EPHA6: variants seen among roughly 807,000 people sequenced by gnomAD.
The protein encoded by EPHA6 is ephrin type-A receptor 6.
A neutral mutation model predicts 112.0 loss-of-function variants in EPHA6; 50 were observed. That is an observed-to-expected ratio of 0.45 (90% CI 0.36 to 0.56). The LOEUF (loss-of-function observed/expected upper bound fraction) is 0.56, where lower values mean the gene tolerates loss of function less well. Ranked by LOEUF, EPHA6 falls within the 20% of genes least tolerant of loss-of-function variation. The pLI, the probability that EPHA6 is intolerant of heterozygous loss-of-function variation, is 0.00. For synonymous variants in EPHA6, 529 were observed against 490.7 expected, an observed-to-expected ratio of 1.08 and a Z score of -1.03; for missense variants, 1,280 against 1,417.4, an observed-to-expected ratio of 0.90 and a Z score of 1.56.
chr3:97,640,946 G>C (rs189851523), intron 14 of EPHA6, among the ~76,000 whole-genome samples: 111 of 152,148 alleles, frequency 7.3e-4, no homozygotes, highest in Non-Finnish European at 1.4e-3. Flanking sequence ...GAGGAGGAGA[G>C]AGAAATAACA....
chr3:97,649,764 TCACACACA>T (rs3064341), intron 14 of EPHA6, among the ~76,000 whole-genome samples: 4 of 148,034 alleles, frequency 2.7e-5, no homozygotes, highest in African/African-American at 4.9e-5. Flanking sequence ...AAATCACTAT[TCACACACA>T]CACACACACA....
At chr3:96,958,946 T>C (rs1024906461) in intron 2 of EPHA6, among the ~76,000 whole-genome samples, 4 of 152,260 alleles carry the variant, frequency 2.6e-5, no homozygotes, top group Non-Finnish European at 5.9e-5. Context: ...CACTTTTTTC[T>C]AGTATGAGTA....
chr3:96,959,221 T>C lies in EPHA6; in HGVS notation c.451-28109T>C, dbSNP rs373560888. 4.6e-5 allele frequency among the ~76,000 whole-genome samples: 7 copies of C among 152,304 alleles called. No individual in the cohort carries two copies. In the East Asian group the frequency reaches 1.3e-3, roughly 29 times the overall value. Reference sequence around the variant, plus strand: ...GCATCCTAGTAAGCGTGGAGTGGTTTTATATTTTGGTTTTGATTTGTGTTT... The same window carrying C: ...GCATCCTAGTAAGCGTGGAGTGGTTCTATATTTTGGTTTTGATTTGTGTTT... On this transcript the variant is annotated intron_variant, in intron 2 of 17. Coordinates refer to ENST00000389672, the MANE Select transcript of EPHA6 (RefSeq NM_001080448.3).
At chr3:97,659,501 T>C (rs1336081965) in intron 14 of EPHA6, among the ~76,000 whole-genome samples, 2 of 152,000 alleles carry the variant, frequency 1.3e-5, no homozygotes, top group African/African-American at 4.8e-5. Context: ...TGAGAGTTTC[T>C]ACATATTGGT....
intron 15 of EPHA6, among the ~76,000 whole-genome samples, chr3:97,725,177 T>G (rs2034705341): frequency 6.6e-6 from 1 of 152,166 alleles, no homozygotes; most frequent in Non-Finnish European, 1.5e-5. Flanking sequence ...TGCTAAGTTC[T>G]TCGCTGTCTG....
At chr3:96,958,998 A>G (rs1405336702) in intron 2 of EPHA6, among the ~76,000 whole-genome samples, 1 of 152,198 alleles carries the variant, frequency 6.6e-6, no homozygotes, top group African/African-American at 2.4e-5. Context: ...TGTAAAGCGT[A>G]TGTTTTAAAT....
intron 2 of EPHA6, among the ~76,000 whole-genome samples, chr3:96,967,422 A>ACTGT (rs2042164256): frequency 1.3e-5 from 2 of 151,720 alleles, no homozygotes; most frequent in African/African-American, 4.8e-5. Flanking sequence ...TTTCACGCTG[A>ACTGT]ATTTTACTGA....
intron 10 of EPHA6, among the ~76,000 whole-genome samples, chr3:97,494,547 T>A (rs1320318659): frequency 6.6e-6 from 1 of 152,164 alleles, no homozygotes; most frequent in East Asian, 1.9e-4. Flanking sequence ...CCTTCATGAT[T>A]GTTGTGAGAA....
intron 10 of EPHA6, among the ~76,000 whole-genome samples, chr3:97,527,755 A>G (rs2092641198): frequency 6.6e-6 from 1 of 152,118 alleles, no homozygotes; most frequent in Admixed American, 6.6e-5. Context: ...ACTCGTCGAT[A>G]CTCAGGAGGA....
chr3:97,376,997 C>T (rs1334499929), intron 5 of EPHA6, among the ~76,000 whole-genome samples: 1 of 152,174 alleles, frequency 6.6e-6, no homozygotes, highest in East Asian at 1.9e-4. Flanking sequence ...TAAACCACAA[C>T]TCACATGGAC....
chr3:97,628,546 C>A (rs1257783378), intron 13 of EPHA6, among the ~76,000 whole-genome samples: 1 of 151,804 alleles, frequency 6.6e-6, no homozygotes, highest in Non-Finnish European at 1.5e-5. Context: ...AAAATAGTTT[C>A]AATTTTTACC....
intron 5 of EPHA6, among the ~76,000 whole-genome samples, chr3:97,304,472 T>A (rs1291379800): frequency 6.6e-6 from 1 of 151,788 alleles, no homozygotes; most frequent in Non-Finnish European, 1.5e-5. Flanking sequence ...GCTGGAGGCA[T>A]CACATTTTCC....
At chr3:96,834,205 T>C (rs1180328238) in intron 1 of EPHA6, among the ~76,000 whole-genome samples, 1 of 151,930 alleles carries the variant, frequency 6.6e-6, no homozygotes, top group Non-Finnish European at 1.5e-5. Context: ...AACGTTTGCA[T>C]AAACCCAGAC....
At chr3:97,655,887 C>G (rs1056219603) in intron 14 of EPHA6, among the ~76,000 whole-genome samples, 3 of 151,776 alleles carry the variant, frequency 2.0e-5, no homozygotes, top group Non-Finnish European at 4.4e-5. Context: ...GCACATGTAC[C>G]CTAAAACTTA....
At chr3:96,930,519 G>T (rs1467981788) in intron 2 of EPHA6, among the ~76,000 whole-genome samples, 3 of 152,176 alleles carry the variant, frequency 2.0e-5, no homozygotes, top group Admixed American at 6.5e-5. Flanking sequence ...TCCAGTACCT[G>T]CAGGTATCAT....
intron 6 of EPHA6, chr3:97,441,318 T>A (rs556678420): frequency 4.3e-6 from 1 of 230,750 alleles, no homozygotes; most frequent in African/African-American, 2.3e-5. Flanking sequence ...TCTGCCTAAG[T>A]ATATACTTTA....
intron 16 of EPHA6, among the ~76,000 whole-genome samples, chr3:97,741,688 T>C (rs770135710): frequency 6.6e-6 from 1 of 152,096 alleles, no homozygotes; most frequent in Non-Finnish European, 1.5e-5. Context: ...CTCTTTCCAG[T>C]ATACAACATA....
chr3:97,047,499 C>CAAAA (rs556388538), intron 3 of EPHA6, among the ~76,000 whole-genome samples: 11 of 46,400 alleles, frequency 2.4e-4, no homozygotes, highest in Admixed American at 4.6e-4. Flanking sequence ...GACTCTGTCT[C>CAAAA]AAAAAAAAAA....
chr3:97,212,989 G>A (rs994486298), intron 3 of EPHA6, among the ~76,000 whole-genome samples: 6 of 152,076 alleles, frequency 3.9e-5, no homozygotes, highest in South Asian at 2.1e-4. Context: ...TTTAAAAACC[G>A]GACTGCTTGT....
Sources: gnomAD v4.1 joint callset for allele counts (sites outside exome capture counted in the v4.1 genomes callset) on GRCh38, gnomAD v4.1.1 for gene constraint, MANE v1.5 for transcripts, NCBI Gene and HGNC (gene_info 2026-07-23, HGNC 2026-07-21) for gene names.